WIPF2: variants seen among roughly 807,000 people sequenced by gnomAD.
WIPF2 encodes the protein WAS/WASL-interacting protein family member 2.
In WIPF2, 23 loss-of-function variants were observed where a neutral mutation model predicts 38.8. The observed-to-expected ratio is 0.59, with a 90% CI of 0.43 to 0.84. The LOEUF is 0.84. WIPF2 is among the 40% of genes least tolerant of loss of function. The probability of loss-of-function intolerance (pLI) is 0.00; values close to 1 mark genes in which losing one functional copy is unlikely to be tolerated. For synonymous variants in WIPF2, 210 were observed against 223.2 expected, an observed-to-expected ratio of 0.94 and a Z score of 0.53; for missense variants, 574 against 580.5, an observed-to-expected ratio of 0.99 and a Z score of 0.11.
At chr17:40,248,992 G>GTT (rs1331629620) in intron 1 of WIPF2, among the ~76,000 whole-genome samples, 1 of 152,040 alleles carries the variant, frequency 6.6e-6, no homozygotes, top group African/African-American at 2.4e-5. Context: ...GAGGTGGCCT[G>GTT]TTTTTTTAAG....
intron 1 of WIPF2, among the ~76,000 whole-genome samples, chr17:40,250,470 C>G (rs2145347452): frequency 6.7e-6 from 1 of 148,834 alleles, no homozygotes; most frequent in South Asian, 2.1e-4. Context: ...AAGATGGTCT[C>G]TATCTCCTGA....
At chr17:40,261,484 A>T (rs1446967681) in intron 3 of WIPF2, among the ~76,000 whole-genome samples, 2 of 150,600 alleles carry the variant, frequency 1.3e-5, no homozygotes, top group African/African-American at 4.9e-5. Context: ...TTTTTAGTAG[A>T]GACGGGGTTT....
At chr17:40,229,393 C>T (rs777724665) in intron 1 of WIPF2, among the ~76,000 whole-genome samples, 8 of 151,604 alleles carry the variant, frequency 5.3e-5, no homozygotes, top group African/African-American at 1.5e-4. Context: ...AGGTGTGAGC[C>T]GCCGCACCTG....
chr17:40,277,251 G>C, intron 7 of WIPF2, 67 bp downstream of exon 7: 1 of 1,430,686 alleles, frequency 7.0e-7, no homozygotes, highest in Non-Finnish European at 9.6e-7. Flanking sequence ...ATTTTCTTAG[G>C]TTAAAATTTG....
intron 1 of WIPF2, among the ~76,000 whole-genome samples, chr17:40,226,676 C>A (rs886879762): frequency 6.6e-6 from 1 of 152,132 alleles, no homozygotes; most frequent in Non-Finnish European, 1.5e-5. Context: ...TAAACTGCTT[C>A]TTTCCTTGTC....
intron 1 of WIPF2, among the ~76,000 whole-genome samples, chr17:40,244,320 T>TA (rs1182615126): frequency 5.3e-5 from 8 of 152,120 alleles, no homozygotes; most frequent in African/African-American, 1.9e-4. Context: ...TGACTACTCT[T>TA]AGGCAGCTCC....
Position 40,281,284 on chromosome 17 carries a change from T to TTA in WIPF2, c.*3059_*3060insTA, listed in dbSNP as rs1269831052. The TTA allele has an allele frequency of 3.9e-5, 6 of 152,132 alleles. No individual in the cohort carries two copies. Among genetic ancestry groups the TTA allele is most frequent in the Non-Finnish European group, 1.5e-5 (1 of 67,954 alleles). The allele number at this position is 152,132 out of a possible 1,614,324, so 9.4% of individuals were successfully genotyped here. ...TTGGTTTTGTGATGTTTTTCCCTAA[T>TTA]GGGAAAAACGTTATAGTTGTTTCTT... On this transcript the variant is annotated 3_prime_UTR_variant, in exon 8 of 8. Transcript: ENST00000323571.
chr17:40,278,258 A>T lies in WIPF2; in HGVS notation c.*33A>T. 1 of 1,611,420 alleles carries T rather than the reference A, an allele frequency of 6.2e-7. No individual in the cohort carries two copies. Among genetic ancestry groups the T allele is most frequent in the Non-Finnish European group, 8.5e-7 (1 of 1,178,640 alleles). ...CTTGGTCCCGTTCCTCAGGAAAAGGATGGACCTTCTCTTCTTCTCAGATGG... is the reference window on the plus strand; with the variant it reads ...CTTGGTCCCGTTCCTCAGGAAAAGGTTGGACCTTCTCTTCTTCTCAGATGG... On this transcript the variant is annotated 3_prime_UTR_variant, in exon 8 of 8. Coordinates refer to ENST00000323571, the MANE Select transcript of WIPF2 (RefSeq NM_133264.5).
chr17:40,261,875 A>G lies in WIPF2; in HGVS notation c.197-650A>G, dbSNP rs148010632. ...CTAATTTTTTGTATTTTTAGTAGAG[A>G]TGGGGTTTCACTGTGGTCTCCATCT... is the stretch of plus-strand genomic sequence containing the variant. On this transcript the variant is annotated intron_variant, in intron 3 of 7. Transcript: ENST00000323571. 5.4e-4 allele frequency among the ~76,000 whole-genome samples: 79 copies of G among 147,374 alleles called. 1 individual carries two copies. The East Asian group carries it at 0.016, about 29-fold the overall frequency.
intron 1 of WIPF2, among the ~76,000 whole-genome samples, chr17:40,252,840 C>G (rs1178282579): frequency 6.6e-6 from 1 of 151,194 alleles, no homozygotes; most frequent in Non-Finnish European, 1.5e-5. Context: ...CTCGGCTCAC[C>G]ACAACCTCCG....
At chr17:40,259,954 C>G (rs2031845817) in intron 2 of WIPF2, among the ~76,000 whole-genome samples, 1 of 152,106 alleles carries the variant, frequency 6.6e-6, no homozygotes. Context: ...AACATGCAGA[C>G]TAGCACAAAG....
chr17:40,247,186 AAATTT>A lies in WIPF2; in HGVS notation c.-69-9200_-69-9196del, dbSNP rs1422912194. On this transcript the variant is annotated intron_variant, in intron 1 of 7. Coordinates refer to ENST00000323571, the MANE Select transcript of WIPF2 (RefSeq NM_133264.5). ...CATAGGTGTATGAAATGTTCCTCGA[AAATTT>A]AATTCTTATTTCAGGGTTTTTTTTT... Among the ~76,000 whole-genome samples the A allele has an allele frequency of 2.6e-5, 4 of 151,786 alleles. No individual in the cohort carries two copies. The East Asian group carries it at 7.7e-4, about 29-fold the overall frequency.
At chr17:40,249,415 T>C (rs988359675) in intron 1 of WIPF2, among the ~76,000 whole-genome samples, 1 of 151,978 alleles carries the variant, frequency 6.6e-6, no homozygotes. Flanking sequence ...AATAGAAAAA[T>C]AGGCTTTGTC....
intron 1 of WIPF2, among the ~76,000 whole-genome samples, chr17:40,254,258 C>T (rs2031651165): frequency 6.6e-6 from 1 of 152,114 alleles, no homozygotes; most frequent in Admixed American, 6.6e-5. Context: ...CTCAAGCCGT[C>T]TTCCTTTCTC....
At chr17:40,233,069 C>T (rs912259154) in intron 1 of WIPF2, among the ~76,000 whole-genome samples, 3 of 152,140 alleles carry the variant, frequency 2.0e-5, no homozygotes, top group Non-Finnish European at 4.4e-5. Flanking sequence ...TGTGGTTACA[C>T]CCAGGCTGTG....
intron 4 of WIPF2, among the ~76,000 whole-genome samples, chr17:40,263,446 G>C (rs1421660362): frequency 6.6e-6 from 1 of 151,980 alleles, no homozygotes; most frequent in Non-Finnish European, 1.5e-5. Context: ...GACCTGTACA[G>C]GTGCATGGCC....
Position 40,278,862 on chromosome 17 carries a change from A to G in WIPF2, c.*637A>G, listed in dbSNP as rs141686185. 3.3e-5 allele frequency: 5 copies of G among 151,156 alleles called. No individual in the cohort carries two copies. The South Asian group carries it at 8.4e-4, about 25-fold the overall frequency. 9.4% of individuals were successfully genotyped at this position (151,156 alleles called of 1,614,324 possible). ...TGGATATAAACACTAAATACTAATC[A>G]GTTGAACTTAACATTTAATAAAAAG... On this transcript the variant is annotated 3_prime_UTR_variant, in exon 8 of 8. Coordinates refer to ENST00000323571, the MANE Select transcript of WIPF2 (RefSeq NM_133264.5).
chr17:40,240,083 A>G (rs1241877639), intron 1 of WIPF2, among the ~76,000 whole-genome samples: 2 of 148,872 alleles, frequency 1.3e-5, no homozygotes, highest in Admixed American at 6.7e-5. Flanking sequence ...TTTTTTTAAG[A>G]TGGAGTCTTG....
chr17:40,239,115 A>G (rs2031090162), intron 1 of WIPF2, among the ~76,000 whole-genome samples: 2 of 150,660 alleles, frequency 1.3e-5, no homozygotes, highest in Non-Finnish European at 2.9e-5. Context: ...TCTGTCGCCC[A>G]GGCTGGAATG....
Sources: allele counts gnomAD v4.1 joint callset (sites outside exome capture counted in the v4.1 genomes callset), GRCh38; gene constraint gnomAD v4.1.1; transcripts MANE v1.5; gene names NCBI Gene and HGNC (gene_info 2026-07-23, HGNC 2026-07-21).